CTNNA2: variants seen among roughly 807,000 people sequenced by gnomAD.
CTNNA2 encodes catenin alpha 2.
In CTNNA2, 42 loss-of-function variants were observed where a neutral mutation model predicts 101.0. The observed-to-expected ratio is 0.42, with a 90% CI of 0.32 to 0.54. The LOEUF is 0.54. CTNNA2 is among the 20% of genes least tolerant of loss of function. The pLI is 0.14. For synonymous variants in CTNNA2, 450 were observed against 456.4 expected (o/e 0.99, Z 0.18); for missense variants, 871 against 1,223.1 (o/e 0.71, Z 4.29).
chr2:80,099,761 A>AG (rs1410298808), intron 7 of CTNNA2, among the ~76,000 whole-genome samples: 2 of 151,744 alleles, frequency 1.3e-5, no homozygotes, highest in Non-Finnish European at 2.9e-5. Context: ...CCTTCAAAAA[A>AG]AAAAAAAAAC....
intron 2 of CTNNA2, among the ~76,000 whole-genome samples, chr2:79,208,064 C>T (rs1674123592): frequency 6.6e-6 from 1 of 152,156 alleles, no homozygotes; most frequent in South Asian, 2.1e-4. Context: ...GACCAGTCTC[C>T]CTTCTCCCTC....
Position 79,810,628 on chromosome 2 carries a change from T to C in CTNNA2, c.299-47385T>C, listed in dbSNP as rs544043213. 7.7e-4 allele frequency among the ~76,000 whole-genome samples: 117 copies of C among 151,948 alleles called. 1 individual carries two copies. In the South Asian group the frequency reaches 0.011, roughly 15 times the overall value. ...TGCCATGTTGGTGTGCTGCACCCAT[T>C]AACTCATCATTTAGCATTAGGTATA... On this transcript the variant is annotated intron_variant, in intron 3 of 18. Coordinates refer to ENST00000402739, the MANE Select transcript of CTNNA2 (RefSeq NM_001282597.3).
rs1350613540 is a variant in CTNNA2, at chr2:79,603,334, G to A, written c.-5-48218G>A. Among the ~76,000 whole-genome samples the A allele has an allele frequency of 2.0e-5, 3 of 152,030 alleles. No individual in the cohort carries two copies. In the East Asian group the frequency reaches 5.8e-4, roughly 29 times the overall value. ...ATAAATCCTTAAGATCCTGAATTAG[G>A]GAAGGATTTCGTTCATAAAACATAC... is the stretch of plus-strand genomic sequence containing the variant. On this transcript the variant is annotated intron_variant, in intron 1 of 18. Transcript: ENST00000402739.
At chr2:79,968,194 T>A (rs191936465) in intron 7 of CTNNA2, among the ~76,000 whole-genome samples, 1 of 146,276 alleles carries the variant, frequency 6.8e-6, no homozygotes, top group East Asian at 2.1e-4. Context: ...TGATGAATTT[T>A]ATGTTAATTT....
intron 9 of CTNNA2, among the ~76,000 whole-genome samples, chr2:80,488,213 G>A (rs757931862): frequency 9.2e-5 from 14 of 152,108 alleles, no homozygotes; most frequent in Middle Eastern, 3.2e-3. Flanking sequence ...TGGATACAGC[G>A]CAGGATTATA....
rs539646188 is a variant in CTNNA2, at chr2:79,981,116, G to C, written c.1056+71319G>C. Among the ~76,000 whole-genome samples the C allele has an allele frequency of 2.6e-5, 4 of 152,104 alleles. 1 individual carries two copies. In the East Asian group the frequency reaches 7.7e-4, roughly 29 times the overall value. On this transcript the variant is annotated intron_variant, in intron 7 of 18. Coordinates refer to ENST00000402739, the MANE Select transcript of CTNNA2 (RefSeq NM_001282597.3). ...AAATGATACATTCGCTTCTGTCCTG[G>C]TTTCTTTGAAAGAGCTTGAGTTGCA...
At position 80,365,922 on chromosome 2, in the gene CTNNA2, C is replaced by T. The variant is rs567682448; in HGVS notation, c.1057-27289C>T. Among the ~76,000 whole-genome samples, 15 of 152,234 alleles carry T rather than the reference C, an allele frequency of 9.9e-5. No individual in the cohort carries two copies. The South Asian group carries it at 2.9e-3, about 30-fold the overall frequency. On this transcript the variant is annotated intron_variant, in intron 7 of 18. Transcript: ENST00000402739. ...GTGGTCGGCTGTTATGCTTGCCCCT[C>T]GGGGCCTGCTGCTCTCCTGCATCAG...
chr2:80,079,785 G>C (rs529522884), intron 7 of CTNNA2, among the ~76,000 whole-genome samples: 1 of 142,328 alleles, frequency 7.0e-6, no homozygotes, highest in East Asian at 2.0e-4. Context: ...CTGCACTCCA[G>C]CCTGGCGACA....
chr2:79,531,553 G>C (rs1490085540), intron 1 of CTNNA2, among the ~76,000 whole-genome samples: 1 of 152,070 alleles, frequency 6.6e-6, no homozygotes, highest in Admixed American at 6.6e-5. Flanking sequence ...ATAATACACA[G>C]CAGGGTGTCC....
At chr2:79,912,786 C>T (rs895268873) in intron 7 of CTNNA2, among the ~76,000 whole-genome samples, 11 of 152,034 alleles carry the variant, frequency 7.2e-5, no homozygotes, top group African/African-American at 4.8e-5. Context: ...GGATGAGTGC[C>T]GTCAGTGTGG....
chr2:79,898,342 G>A (rs985492768), intron 6 of CTNNA2, among the ~76,000 whole-genome samples: 10 of 151,862 alleles, frequency 6.6e-5, no homozygotes, highest in African/African-American at 2.4e-4. Context: ...TCACCATATT[G>A]AGCAGGCTGG....
At chr2:80,139,051 G>A (rs542927453) in intron 7 of CTNNA2, among the ~76,000 whole-genome samples, 22 of 152,200 alleles carry the variant, frequency 1.4e-4, no homozygotes, top group South Asian at 8.3e-4. Flanking sequence ...TGCTCTAAGC[G>A]ACCTATGGAA....
intron 1 of CTNNA2, among the ~76,000 whole-genome samples, chr2:79,604,360 C>T (rs764035911): frequency 3.8e-4 from 58 of 152,292 alleles, no homozygotes; most frequent in Non-Finnish European, 7.1e-4. Flanking sequence ...CTTCAATGTA[C>T]AGTGATCTTT....
chr2:79,700,702 C>A (rs373055484), intron 2 of CTNNA2, among the ~76,000 whole-genome samples: 2 of 152,084 alleles, frequency 1.3e-5, no homozygotes, highest in African/African-American at 4.8e-5. Context: ...TAACACCACC[C>A]AGGGAATTGA....
intron 7 of CTNNA2, among the ~76,000 whole-genome samples, chr2:80,281,944 T>TC (rs1398361295): frequency 1.7e-5 from 2 of 119,034 alleles, no homozygotes; most frequent in African/African-American, 9.9e-5. Flanking sequence ...TTTTGGAAAG[T>TC]TTTTTTTTTT....
At chr2:79,376,773 A>G (rs1677981153) in intron 4 of CTNNA2, among the ~76,000 whole-genome samples, 1 of 151,994 alleles carries the variant, frequency 6.6e-6, no homozygotes. Flanking sequence ...GCTGAGAATG[A>G]TGGTTTCCAG....
intron 7 of CTNNA2, among the ~76,000 whole-genome samples, chr2:80,147,476 C>T (rs148757019): frequency 0.01 from 1,544 of 152,230 alleles, 15 homozygotes; most frequent in Non-Finnish European, 0.017. Context: ...AACTATGGTC[C>T]TAGCTGAGGG....
intron 7 of CTNNA2, among the ~76,000 whole-genome samples, chr2:80,009,425 G>C (rs1181133638): frequency 2.6e-5 from 4 of 152,094 alleles, no homozygotes; most frequent in Non-Finnish European, 5.9e-5. Context: ...CAAGTCATTG[G>C]GAAGATTTGA....
At chr2:79,585,118 G>A (rs191126515) in intron 1 of CTNNA2, among the ~76,000 whole-genome samples, 44 of 151,708 alleles carry the variant, frequency 2.9e-4, no homozygotes, top group African/African-American at 9.9e-4. Context: ...GAGGTCTTTT[G>A]GTTCATTAAA....
Sources: gnomAD v4.1 joint callset for allele counts (sites outside exome capture counted in the v4.1 genomes callset) on GRCh38, gnomAD v4.1.1 for gene constraint, MANE v1.5 for transcripts, NCBI Gene and HGNC (gene_info 2026-07-23, HGNC 2026-07-21) for gene names.